Variants in CLOCK observed in about 807,000 individuals in gnomAD.
CLOCK encodes the protein circadian locomoter output cycles protein kaput.
A neutral mutation model predicts 118.4 loss-of-function variants in CLOCK; 43 were observed. That is an observed-to-expected ratio of 0.36 (90% CI 0.28 to 0.47). The LOEUF (loss-of-function observed/expected upper bound fraction) is 0.47, where lower values mean the gene tolerates loss of function less well. CLOCK is among the 20% of genes least tolerant of loss of function. CLOCK has a pLI of 1.00. For synonymous variants in CLOCK, 326 were observed against 339.2 expected, an observed-to-expected ratio of 0.96 and a Z score of 0.43; for missense variants, 846 against 999.9, an observed-to-expected ratio of 0.85 and a Z score of 2.08.
chr4:55,519,513 G>A (rs1340792830), intron 1 of CLOCK, among the ~76,000 whole-genome samples: 7 of 152,258 alleles, frequency 4.6e-5, no homozygotes, highest in East Asian at 3.9e-4. Flanking sequence ...TGGACCAGGC[G>A]TGGTAGCTCA....
intron 1 of CLOCK, among the ~76,000 whole-genome samples, chr4:55,543,442 A>C (rs1424747847): frequency 6.6e-6 from 1 of 152,034 alleles, no homozygotes; most frequent in African/African-American, 2.4e-5. Context: ...TGAAAAGAAC[A>C]TATTTGCAAA....
chr4:55,516,209 T>C (rs543619120), intron 1 of CLOCK, among the ~76,000 whole-genome samples: 1 of 152,340 alleles, frequency 6.6e-6, no homozygotes, highest in South Asian at 2.1e-4. Flanking sequence ...ATGTCAATTA[T>C]ATCAAGTTGT....
At chr4:55,510,349 G>A (rs562599915) in intron 1 of CLOCK, among the ~76,000 whole-genome samples, 11 of 152,212 alleles carry the variant, frequency 7.2e-5, no homozygotes, top group East Asian at 3.9e-4. Context: ...CTCCTGGGAC[G>A]GGTGCGGTGG....
intron 2 of CLOCK, among the ~76,000 whole-genome samples, chr4:55,498,530 T>C (rs1728229672): frequency 6.6e-6 from 1 of 152,078 alleles, no homozygotes; most frequent in Non-Finnish European, 1.5e-5. Flanking sequence ...TATACATATG[T>C]TACCCATTTC....
chr4:55,453,338 T>G, intron 14 of CLOCK: 1 of 531,980 alleles, frequency 1.9e-6, no homozygotes, highest in South Asian at 3.2e-5. Context: ...CTGTAAACGA[T>G]CCATAACCAC....
At position 55,459,226 on chromosome 4, in the gene CLOCK, G is replaced by A; in HGVS notation, c.595C>T (p.Arg199Ter). The change falls in exon 10 of 23, where the codon CGA (arginine) becomes TGA (stop). Residue 199 changes from arginine to a stop codon, truncating the protein, a stop_gained. Transcript: ENST00000513440. LOFTEE classifies it high-confidence loss of function. ...NQLEFCCHML[R>*]GTIDPKEPST... ...GGCTCCTTTGGGTCTATTGTTCCTCGCAGCATGTGACAACAGAATTCTAAC... is the reference window on the plus strand; with the variant it reads ...GGCTCCTTTGGGTCTATTGTTCCTCACAGCATGTGACAACAGAATTCTAAC... 2.5e-6 allele frequency: 4 copies of A among 1,611,536 alleles called. No homozygotes were observed. Among genetic ancestry groups the A allele is most frequent in the Non-Finnish European group, 3.4e-6 (4 of 1,177,888 alleles).
intron 22 of CLOCK, among the ~76,000 whole-genome samples, chr4:55,436,644 C>T (rs1428218049): frequency 6.6e-6 from 1 of 152,146 alleles, no homozygotes; most frequent in Non-Finnish European, 1.5e-5. Context: ...CCTGACAAAC[C>T]TTAAAGACTA....
chr4:55,543,188 G>A (rs1038398566), intron 1 of CLOCK, among the ~76,000 whole-genome samples: 2 of 152,188 alleles, frequency 1.3e-5, no homozygotes, highest in Non-Finnish European at 2.9e-5. Flanking sequence ...GAAGTTTACA[G>A]TGAATTAAAT....
chr4:55,455,861 CA>C (rs1241894000), intron 13 of CLOCK, 35 bp downstream of exon 13: 2 of 1,342,158 alleles, frequency 1.5e-6, no homozygotes, highest in African/African-American at 2.9e-5. Context: ...GCTTATAAAA[CA>C]GTTATTATCA....
intron 1 of CLOCK, among the ~76,000 whole-genome samples, chr4:55,538,251 G>A (rs936757603): frequency 2.0e-5 from 3 of 151,882 alleles, no homozygotes; most frequent in African/African-American, 7.3e-5. Context: ...GGCATGTGAA[G>A]AGACGGAACA....
In CLOCK at chr4:55,438,290, A is replaced by C. The variant is rs1287955045; in HGVS notation, c.2353T>G (p.Phe785Val). The change falls in exon 22 of 23, where the codon TTT (phenylalanine) becomes GTT (valine). Residue 785 changes from phenylalanine (F) to valine (V), a missense_variant. By Grantham distance (50) the Phe-to-Val change is conservative. This residue lies in a region of CLOCK where 520 missense variants were observed against 558.0 expected (regional missense o/e 0.93). Transcript: ENST00000513440. Reference protein sequence around the residue: ...QAQLTQPPQQFLQTSRLLHGN... With the variant: ...QAQLTQPPQQVLQTSRLLHGN... The stretch of plus-strand genomic sequence containing the variant: ...CCCATGGGGAGAATTACCTGTAAAA[A>C]TTGTTGCGGTGGCTGGGTCAGCTGA... 1 of 1,614,110 alleles carries C rather than the reference A, an allele frequency of 6.2e-7. No individual in the cohort carries two copies. Among genetic ancestry groups the C allele is most frequent in the Non-Finnish European group, 8.5e-7 (1 of 1,179,994 alleles).
At position 55,432,822 on chromosome 4, in the gene CLOCK, C is replaced by T. The variant is rs1010119290; in HGVS notation, c.*2593G>A. 6.6e-6 allele frequency: 1 copy of T among 152,208 alleles called. No individual in the cohort carries two copies. The highest frequency in any genetic ancestry group is 6.5e-5 in the Admixed American group (1 of 15,268). The allele number at this position is 152,208 out of a possible 1,614,324, so 9.4% of individuals were successfully genotyped here. On this transcript the variant is annotated 3_prime_UTR_variant, in exon 23 of 23. Transcript: ENST00000513440. ...ATGAGCTGCGAAGAACAGTAAGAAT[C>T]ATAAAGGAAAATTTTAATTTTTTCC...
At chr4:55,519,956 T>TG (rs2110058084) in intron 1 of CLOCK, among the ~76,000 whole-genome samples, 1 of 151,994 alleles carries the variant, frequency 6.6e-6, no homozygotes, top group Admixed American at 6.5e-5. Flanking sequence ...TTAAAAATTC[T>TG]GAAGTACAGG....
chr4:55,535,239 T>C (rs1372019817), intron 1 of CLOCK, among the ~76,000 whole-genome samples: 7 of 152,150 alleles, frequency 4.6e-5, no homozygotes, highest in Non-Finnish European at 8.8e-5. Flanking sequence ...ATGTTTAGGT[T>C]TGTCAAAACT....
At chr4:55,479,722 A>C in intron 4 of CLOCK, 23 bp from the exon 5 acceptor site, 3 of 1,593,152 alleles carry the variant, frequency 1.9e-6, no homozygotes, top group Non-Finnish European at 2.6e-6. Context: ...GGATAGAGAA[A>C]GTAAGAGCAG....
chr4:55,532,962 A>G (rs761558120), intron 1 of CLOCK, among the ~76,000 whole-genome samples: 1 of 152,222 alleles, frequency 6.6e-6, no homozygotes, highest in Non-Finnish European at 1.5e-5. Context: ...GCTAAAAGAA[A>G]TCAAAGAGAG....
At chr4:55,545,726 A>G (rs1359631852) in intron 1 of CLOCK, 1 of 152,216 alleles carries the variant, frequency 6.6e-6, no homozygotes, top group Non-Finnish European at 1.5e-5. Flanking sequence ...CAAAGAATAT[A>G]AACTCTGCGG....
At chr4:55,519,205 C>T (rs2110055329) in intron 1 of CLOCK, among the ~76,000 whole-genome samples, 1 of 152,194 alleles carries the variant, frequency 6.6e-6, no homozygotes, top group Non-Finnish European at 1.5e-5. Flanking sequence ...GCACAAACCA[C>T]TATACCCAGC....
At chr4:55,502,942 C>CAATAG (rs1262307999) in intron 2 of CLOCK, among the ~76,000 whole-genome samples, 1 of 152,186 alleles carries the variant, frequency 6.6e-6, no homozygotes, top group African/African-American at 2.4e-5. Context: ...ATTAAAACTA[C>CAATAG]AATAGACCTT....
Sources: gnomAD v4.1 joint callset for allele counts (sites outside exome capture counted in the v4.1 genomes callset) on GRCh38, gnomAD v4.1.1 for gene constraint, gnomAD v4.1.1 regional missense constraint, MANE v1.5 for transcripts, NCBI Gene and HGNC (gene_info 2026-07-23, HGNC 2026-07-21) for gene names.